ARMH1: variants seen among roughly 807,000 people sequenced by gnomAD.
ARMH1 encodes the protein armadillo-like helical domain containing protein 1.
A neutral mutation model predicts 50.2 loss-of-function variants in ARMH1; 34 were observed. The ratio of observed to expected loss-of-function variants is 0.68; its 90% CI spans 0.51 to 0.90. The LOEUF is 0.90. Ranked by LOEUF, ARMH1 falls within the 40% of genes least tolerant of loss-of-function variation. ARMH1 has a pLI of 0.00. For synonymous variants in ARMH1, 221 were observed against 224.2 expected (o/e 0.99, Z 0.13); for missense variants, 538 against 553.9 (o/e 0.97, Z 0.29).
chr1:44,720,862 C>T (rs1647076618), intron 6 of ARMH1, among the ~76,000 whole-genome samples: 1 of 151,994 alleles, frequency 6.6e-6, no homozygotes. Context: ...ATAGTGAAAC[C>T]CTGTCTCTAC....
intron 1 of ARMH1, chr1:44,688,973 G>A (rs955617010): frequency 6.6e-6 from 1 of 152,198 alleles, no homozygotes; most frequent in African/African-American, 2.4e-5. Flanking sequence ...ATAAGAGGGA[G>A]GCCATGTCTC....
Position 44,712,407 on chromosome 1 carries a change from G to A in ARMH1, c.724+8234G>A, listed in dbSNP as rs199976944. On this transcript the variant is annotated intron_variant, in intron 6 of 11. Coordinates refer to ENST00000535358, the MANE Select transcript of ARMH1 (RefSeq NM_001145636.2). Reference sequence around the variant, plus strand: ...TGGGAGGCAGAGGTTGCAGTGAGCCGAGATCGTGCCACAGCACTCCAGAGT... The same window carrying A: ...TGGGAGGCAGAGGTTGCAGTGAGCCAAGATCGTGCCACAGCACTCCAGAGT... 5.3e-5 allele frequency among the ~76,000 whole-genome samples: 8 copies of A among 151,936 alleles called. No homozygotes were observed. The East Asian group carries it at 1.4e-3, about 26-fold the overall frequency.
chr1:44,678,310 G>C (rs989451810), intron 1 of ARMH1, among the ~76,000 whole-genome samples: 1 of 151,880 alleles, frequency 6.6e-6, no homozygotes, highest in Non-Finnish European at 1.5e-5. Flanking sequence ...GAGGGCAAGT[G>C]GGGAGAAGAT....
rs762363302 is a variant in ARMH1, at chr1:44,681,270, C to G, written c.-23+6397C>G. Among the ~76,000 whole-genome samples the G allele has an allele frequency of 6.6e-6, 1 of 152,164 alleles. No individual in the cohort carries two copies. Among genetic ancestry groups the G allele is most frequent in the Non-Finnish European group, 1.5e-5 (1 of 68,030 alleles). On this transcript the variant is annotated intron_variant, in intron 1 of 11. Transcript: ENST00000535358. The surrounding 1 kb of genome is among the most constrained non-coding windows in gnomAD (Gnocchi z 4.3). ...TCAGCCTCCCAAAGTGCTGGGATTA[C>G]AAGCGTGAGCCACTGCGCCCGGCCG...
chr1:44,714,737 G>A (rs1028816676), intron 6 of ARMH1, among the ~76,000 whole-genome samples: 2 of 151,910 alleles, frequency 1.3e-5, no homozygotes, highest in African/African-American at 4.8e-5. Flanking sequence ...GCGCATGCAC[G>A]GCTCACTGCA....
At position 44,708,009 on chromosome 1, in the gene ARMH1, G is replaced by A. The variant is rs528821490; in HGVS notation, c.724+3836G>A. On this transcript the variant is annotated intron_variant, in intron 6 of 11. Transcript: ENST00000535358. ...TGTATTATTATTTTTTTAACCAGGC[G>A]CTTCAAAATAGTCTTCCTATAACTC... Among the ~76,000 whole-genome samples the A allele has an allele frequency of 6.5e-4, 99 of 152,268 alleles. 1 individual carries two copies. The highest frequency in any genetic ancestry group is 2.3e-3 in the African/African-American group (96 of 41,564).
chr1:44,720,038 T>C (rs1647024265), intron 6 of ARMH1, among the ~76,000 whole-genome samples: 1 of 151,664 alleles, frequency 6.6e-6, no homozygotes, highest in Non-Finnish European at 1.5e-5. Flanking sequence ...CTACTAAAAA[T>C]ACAAAAAAAT....
At chr1:44,680,255 C>T (rs570789257) in intron 1 of ARMH1, among the ~76,000 whole-genome samples, 7 of 152,358 alleles carry the variant, frequency 4.6e-5, no homozygotes, top group Admixed American at 3.9e-4. Context: ...TGGCTCACTG[C>T]AGCCTCAGCC....
chr1:44,701,537 C>A (rs1388937306), intron 5 of ARMH1, among the ~76,000 whole-genome samples: 2 of 151,330 alleles, frequency 1.3e-5, no homozygotes, highest in Non-Finnish European at 1.5e-5. Context: ...TCAGACAGTA[C>A]CCTCGGATGC....
At position 44,722,203 on chromosome 1, in the gene ARMH1, A is replaced by G. The variant is rs548880350; in HGVS notation, c.725-1919A>G. On this transcript the variant is annotated intron_variant, in intron 6 of 11. Transcript: ENST00000535358. ...AGTAAATGGAGAGAGGCACTTGACT[A>G]CTGAGCTGGGGAGAGCACATGGCCA... Among the ~76,000 whole-genome samples the G allele has an allele frequency of 6.6e-5, 10 of 152,186 alleles. No individual in the cohort carries two copies. The South Asian group carries it at 8.3e-4, about 13-fold the overall frequency.
intron 1 of ARMH1, among the ~76,000 whole-genome samples, chr1:44,686,481 G>A (rs1026881282): frequency 2.6e-5 from 4 of 151,984 alleles, no homozygotes; most frequent in Non-Finnish European, 2.9e-5. Context: ...TTTGAGACAA[G>A]CCTGGCCAGC....
rs116924294 is a variant in ARMH1, at chr1:44,700,313, G to A, written c.443-610G>A. Among the ~76,000 whole-genome samples, 41 of 152,272 alleles carry A rather than the reference G, an allele frequency of 2.7e-4. 1 individual carries two copies. In the East Asian group the frequency reaches 7.9e-3, roughly 29 times the overall value. Reference sequence around the variant, plus strand: ...TTGTAAAACCATTTTGCAAACTGCTGAGTGCTATACAAGTGTTATCATGGC... The same window carrying A: ...TTGTAAAACCATTTTGCAAACTGCTAAGTGCTATACAAGTGTTATCATGGC... On this transcript the variant is annotated intron_variant, in intron 4 of 11. Coordinates refer to ENST00000535358, the MANE Select transcript of ARMH1 (RefSeq NM_001145636.2).
At chr1:44,720,413 C>T (rs528764787) in intron 6 of ARMH1, among the ~76,000 whole-genome samples, 16 of 152,172 alleles carry the variant, frequency 1.1e-4, no homozygotes, top group Admixed American at 7.2e-4. Context: ...ACCCAAGCCT[C>T]GCCTGTTGGA....
intron 3 of ARMH1, 95 bp downstream of exon 3, chr1:44,697,265 G>A: frequency 1.0e-6 from 1 of 966,640 alleles, no homozygotes; most frequent in Non-Finnish European, 1.6e-6. Flanking sequence ...ACGGATTCCT[G>A]TTAGCAGTGG....
At chr1:44,691,868 G>T (rs1229066516) in intron 2 of ARMH1, among the ~76,000 whole-genome samples, 1 of 152,182 alleles carries the variant, frequency 6.6e-6, no homozygotes, top group East Asian at 1.9e-4. Context: ...AAGCTTGAGG[G>T]TAGATAAGCT....
rs373472963 is a variant in ARMH1, at chr1:44,725,459, G to A, written c.*56G>A. On this transcript the variant is annotated 3_prime_UTR_variant, in exon 12 of 12. Transcript: ENST00000535358. ...GCTGCGGGGCAGGGAAGCCTGGCAAGAGGAAGGCGCCTGGGGTCAAGCTCA... is the reference window on the plus strand; with the variant it reads ...GCTGCGGGGCAGGGAAGCCTGGCAAAAGGAAGGCGCCTGGGGTCAAGCTCA... The A allele has an allele frequency of 4.6e-6, 7 of 1,522,388 alleles. No individual in the cohort carries two copies. The East Asian group carries it at 1.2e-4, about 27-fold the overall frequency. 94.3% of individuals were successfully genotyped at this position (1,522,388 alleles called of 1,614,324 possible).
intron 2 of ARMH1, chr1:44,692,934 G>T (rs1478874882): frequency 2.0e-5 from 3 of 152,044 alleles, no homozygotes; most frequent in African/African-American, 4.8e-5. Context: ...TTAGACACGG[G>T]GTCTTGCTAT....
intron 2 of ARMH1, among the ~76,000 whole-genome samples, chr1:44,691,212 C>T (rs1338702284): frequency 6.6e-6 from 1 of 151,926 alleles, no homozygotes; most frequent in Non-Finnish European, 1.5e-5. Flanking sequence ...GAGCCAAGAT[C>T]GCGCCATTGT....
At chr1:44,700,481 T>C (rs559619110) in intron 4 of ARMH1, among the ~76,000 whole-genome samples, 4 of 151,970 alleles carry the variant, frequency 2.6e-5, no homozygotes, top group East Asian at 3.9e-4. Flanking sequence ...CCAGGCCTGG[T>C]GGCACACACC....
Sources: gnomAD v4.1 joint callset for allele counts (sites outside exome capture counted in the v4.1 genomes callset) on GRCh38, gnomAD v4.1.1 for gene constraint, Gnocchi (gnomAD v3.1) non-coding constraint, MANE v1.5 for transcripts, NCBI Gene and HGNC (gene_info 2026-07-23, HGNC 2026-07-21) for gene names.